The following FAM83A variants were observed in gnomAD, a reference collection of about 807,000 sequenced individuals.
FAM83A encodes the protein scaffolding CK1 anchoring protein A, also known as protein FAM83A.
In FAM83A, 21 loss-of-function variants were observed where a neutral mutation model predicts 24.4. The ratio of observed to expected loss-of-function variants is 0.86; its 90% CI spans 0.61 to 1.24. The LOEUF (loss-of-function observed/expected upper bound fraction) is 1.24. Among genes scored for constraint, FAM83A ranks in the 50% most tolerant of loss-of-function variants. FAM83A has a pLI of 0.00. For synonymous variants in FAM83A, 270 were observed against 252.4 expected (o/e 1.07, Z -0.66); for missense variants, 617 against 579.8 (o/e 1.06, Z -0.66).
At chr8:123,208,281 A>G (rs1824631246) in exon 4 of FAM83A, 2 of 985,420 alleles carry the variant, frequency 2.0e-6, no homozygotes, top group Non-Finnish European at 1.2e-6. Context: ...CCCGTTATCT[A>G]TGAGTTGTAT....
intron 3 of FAM83A, among the ~76,000 whole-genome samples, chr8:123,196,983 G>C (rs192503080): frequency 1.9e-4 from 29 of 152,208 alleles, no homozygotes; most frequent in Admixed American, 1.6e-3. Flanking sequence ...CTAAACTTTG[G>C]GGCTGCCCAG....
upstream of FAM83A, chr8:123,182,485 C>A: frequency 4.4e-6 from 2 of 456,320 alleles, no homozygotes; most frequent in South Asian, 1.7e-5. Flanking sequence ...GTAACAAAGG[C>A]CTGAGGGAGA....
upstream of FAM83A, chr8:123,180,237 C>A (rs936360191): frequency 2.6e-5 from 4 of 151,866 alleles, no homozygotes; most frequent in African/African-American, 9.7e-5. Flanking sequence ...CAGGTAGGCT[C>A]AAGACTTGGT....
At chr8:123,208,177 G>C in exon 4 of FAM83A, 1 of 988,416 alleles carries the variant, frequency 1.0e-6, no homozygotes, top group Non-Finnish European at 1.2e-6. Context: ...GAACATTCTG[G>C]ATGTTTCGGG....
At chr8:123,206,042 T>C (rs980040821) in intron 3 of FAM83A, among the ~76,000 whole-genome samples, 5 of 151,058 alleles carry the variant, frequency 3.3e-5, no homozygotes, top group African/African-American at 9.8e-5. Context: ...ACTTGGGAGG[T>C]TGAGGCAGAA....
Position 123,209,854 on chromosome 8 carries a change from G to A in FAM83A, c.*2166G>A, listed in dbSNP as rs113015166. 1.4e-4 allele frequency: 52 copies of A among 368,108 alleles called. 1 individual carries two copies. Among genetic ancestry groups the A allele is most frequent in the Middle Eastern group, 8.2e-4 (1 of 1,218 alleles). The allele number at this position is 368,108 out of a possible 1,614,324, so 22.8% of individuals were successfully genotyped here. On this transcript the variant is annotated 3_prime_UTR_variant, in exon 4 of 4. Coordinates refer to ENST00000690554, the Ensembl canonical transcript of FAM83A. This position sits in a 1 kb window ranked among gnomAD's most constrained non-coding sequence, Gnocchi z 4.7. Reference sequence around the variant, plus strand: ...GCGCTGCCTGCTGGGAGGTTAGGTCGGGGCTGCCCCGGCGAGTGGAGCATG... The same window carrying A: ...GCGCTGCCTGCTGGGAGGTTAGGTCAGGGCTGCCCCGGCGAGTGGAGCATG...
At chr8:123,207,192 T>A in exon 4 of FAM83A, 1 of 1,510,600 alleles carries the variant, frequency 6.6e-7, no homozygotes, top group East Asian at 2.8e-5. Context: ...CACCGGAACA[T>A]CCTCTCCAAG....
intron 1 of FAM83A, 148 bp downstream of exon 1, chr8:123,183,484 C>A: frequency 7.9e-7 from 1 of 1,262,996 alleles, no homozygotes; most frequent in Non-Finnish European, 1.1e-6. Flanking sequence ...TCCGCCTTGC[C>A]CTGGACCACT....
chr8:123,200,844 A>G (rs188234243), intron 3 of FAM83A, among the ~76,000 whole-genome samples: 1 of 151,888 alleles, frequency 6.6e-6, no homozygotes, highest in East Asian at 1.9e-4. Flanking sequence ...AATTCCAGCT[A>G]CTTGGGAGGC....
rs369984200 is a variant in FAM83A at position 123,207,106 on chromosome 8, C to T, written c.774-51C>T. ...CTCCCCCTCCTCCTCCACTTCCCCT[C>T]CCCATCCTTCCCCCTTCTCCTCCAT... On this transcript the variant is annotated intron_variant, in intron 3 of 3. Coordinates refer to ENST00000690554, the Ensembl canonical transcript of FAM83A. 4 of 930,234 alleles carry T rather than the reference C, an allele frequency of 4.3e-6. No individual in the cohort carries two copies. In the African/African-American group the frequency reaches 5.5e-5, roughly 13 times the overall value. 57.6% of individuals were successfully genotyped at this position (930,234 alleles called of 1,614,324 possible).
In FAM83A at chr8:123,209,366, T is replaced by TTTATTATTATTATTA. The variant is rs371810691; in HGVS notation, c.*1685_*1699dup. On this transcript the variant is annotated 3_prime_UTR_variant, in exon 4 of 4. Transcript: ENST00000690554. This position sits in a 1 kb window ranked among gnomAD's most constrained non-coding sequence, Gnocchi z 4.7. The stretch of plus-strand genomic sequence containing the variant: ...TGGGGCATCTTGGCTTCTGGTTTCT[T>TTTATTATTATTATTA]TTATTATTATTATTATTATTAATTA... The TTTATTATTATTATTA allele has an allele frequency of 1.4e-6, 2 of 1,465,654 alleles. No homozygotes were observed. Among genetic ancestry groups the TTTATTATTATTATTA allele is most frequent in the African/African-American group, 2.9e-5 (2 of 69,508 alleles). 90.8% of individuals were successfully genotyped at this position (1,465,654 alleles called of 1,614,324 possible).
intron 1 of FAM83A, among the ~76,000 whole-genome samples, chr8:123,188,970 C>T (rs1823890330): frequency 6.6e-6 from 1 of 152,200 alleles, no homozygotes; most frequent in African/African-American, 2.4e-5. Context: ...TGTCTCTGTT[C>T]AATCACCAGC....
At chr8:123,196,056 G>T (rs954260768) in intron 3 of FAM83A, among the ~76,000 whole-genome samples, 3 of 152,228 alleles carry the variant, frequency 2.0e-5, no homozygotes, top group Non-Finnish European at 4.4e-5. Context: ...CTGTCACCCA[G>T]GCTGGAGTGC....
At position 123,182,756 on chromosome 8, in the gene FAM83A, G is replaced by C. The variant is rs1586771157; in HGVS notation, c.-101G>C. Reference sequence around the variant, plus strand: ...TCCTGGGAGCAGGCGGCCTCCCGGGGGTGCGGGAGCCCCACTCCTCCGTGG... The same window carrying C: ...TCCTGGGAGCAGGCGGCCTCCCGGGCGTGCGGGAGCCCCACTCCTCCGTGG... On this transcript the variant is annotated 5_prime_UTR_variant, in exon 1 of 4. Transcript: ENST00000690554. 4 of 1,479,920 alleles carry C rather than the reference G, an allele frequency of 2.7e-6. No individual in the cohort carries two copies. In the East Asian group the frequency reaches 9.8e-5, roughly 36 times the overall value. The allele number at this position is 1,479,920 out of a possible 1,614,324, so 91.7% of individuals were successfully genotyped here. A position where few individuals can be genotyped will look rare whatever the true frequency, so the allele number is the denominator to read the frequency against.
At chr8:123,190,849 CA>C (rs1823950737) in intron 1 of FAM83A, among the ~76,000 whole-genome samples, 1 of 152,102 alleles carries the variant, frequency 6.6e-6, no homozygotes, top group Admixed American at 6.6e-5. Flanking sequence ...CAAGAGGTAG[CA>C]AAAATGGTTG....
chr8:123,194,057 T>A, exon 3 of FAM83A: 1 of 1,614,216 alleles, frequency 6.2e-7, no homozygotes, highest in Non-Finnish European at 8.5e-7. Context: ...AGGAGAGATA[T>A]ACTGTGCCAA....
exon 1 of FAM83A, chr8:123,183,324 C>T (rs1298672765): frequency 1.9e-6 from 3 of 1,611,664 alleles, no homozygotes; most frequent in Middle Eastern, 1.7e-4. Context: ...GCTGCATCAC[C>T]CGGACTAGCC....
chr8:123,182,347 C>T (rs564675827), upstream of FAM83A: 7 of 355,694 alleles, frequency 2.0e-5, no homozygotes, highest in East Asian at 7.4e-5. Flanking sequence ...CTTTCCCCCC[C>T]ACAGGGAAAT....
At chr8:123,184,888 G>A (rs1049504864) in intron 1 of FAM83A, among the ~76,000 whole-genome samples, 1 of 152,314 alleles carries the variant, frequency 6.6e-6, no homozygotes, top group African/African-American at 2.4e-5. Flanking sequence ...TTTTTTGCTA[G>A]GGTCCCAGTC....
Sources: allele counts gnomAD v4.1 joint callset (sites outside exome capture counted in the v4.1 genomes callset), GRCh38; gene constraint gnomAD v4.1.1; non-coding constraint Gnocchi (gnomAD v3.1); transcripts MANE v1.5; gene names NCBI Gene and HGNC (gene_info 2026-07-23, HGNC 2026-07-21).